Variants in TMEM108 observed in about 807,000 individuals in gnomAD.
The protein encoded by TMEM108 is cancer/testis antigen 124.
TMEM108 carries 12 observed loss-of-function variants against 35.1 expected under a neutral mutation model. The ratio of observed to expected loss-of-function variants is 0.34; its 90% confidence interval spans 0.22 to 0.55. The LOEUF (loss-of-function observed/expected upper bound fraction) is 0.55, where lower values mean the gene tolerates loss of function less well. TMEM108 is among the 20% of genes least tolerant of loss of function. The probability of loss-of-function intolerance (pLI) is 0.89; values close to 1 mark genes in which losing one functional copy is unlikely to be tolerated. For missense variants in TMEM108, 680 were observed against 753.3 expected (o/e 0.90, Z 1.14); for synonymous variants, 287 against 308.6 (o/e 0.93, Z 0.73).
intron 2 of TMEM108, among the ~76,000 whole-genome samples, chr3:133,175,053 A>T (rs112567859): frequency 0.029 from 4,488 of 152,326 alleles, 224 homozygotes; most frequent in African/African-American, 0.1. Flanking sequence ...AACCGATGCG[A>T]TCAACTGGAA....
intron 2 of TMEM108, among the ~76,000 whole-genome samples, chr3:133,136,143 C>A (rs1944561776): frequency 6.6e-6 from 1 of 152,178 alleles, no homozygotes; most frequent in Non-Finnish European, 1.5e-5. Flanking sequence ...GGTGCAGTTA[C>A]ATTTTAAGTC....
chr3:133,278,848 C>T (rs372734451), intron 3 of TMEM108, among the ~76,000 whole-genome samples: 12 of 152,184 alleles, frequency 7.9e-5, no homozygotes, highest in East Asian at 1.9e-4. Flanking sequence ...AGGGATAAAA[C>T]GAATAATGCA....
At chr3:133,335,888 G>A (rs2107734555) in intron 3 of TMEM108, among the ~76,000 whole-genome samples, 1 of 152,272 alleles carries the variant, frequency 6.6e-6, no homozygotes, top group African/African-American at 2.4e-5. Flanking sequence ...GAAAGAATCT[G>A]TTCACTTCAG....
chr3:133,302,844 C>A (rs1559897669), intron 3 of TMEM108, among the ~76,000 whole-genome samples: 1 of 152,092 alleles, frequency 6.6e-6, no homozygotes, highest in Admixed American at 6.5e-5. Context: ...TTCGGGCCAC[C>A]CCACACGTGC....
At chr3:133,262,331 A>G (rs1946636002) in intron 3 of TMEM108, among the ~76,000 whole-genome samples, 2 of 152,226 alleles carry the variant, frequency 1.3e-5, no homozygotes, top group Admixed American at 1.3e-4. Flanking sequence ...ATAGTGTCAT[A>G]TATTATTTAA....
intron 2 of TMEM108, among the ~76,000 whole-genome samples, chr3:133,214,465 G>A (rs1222052131): frequency 6.6e-6 from 1 of 151,922 alleles, no homozygotes; most frequent in Non-Finnish European, 1.5e-5. Context: ...TATTTTCCCT[G>A]AGGGTTCTCT....
chr3:133,390,292 T>C lies in TMEM108; in HGVS notation c.1563T>C (p.Ala521=). 2 of 1,614,188 alleles carry C rather than the reference T, an allele frequency of 1.2e-6. No individual in the cohort carries two copies. The highest frequency in any genetic ancestry group is 1.7e-6 in the Non-Finnish European group (2 of 1,180,016). ...CCATGGACTACTTCAACAGGCATGC[T>C]GTGGAGCTGCCCAGGGAGATCCAGT... The part of the protein sequence containing the change: ...TITMDYFNRH[A]VELPREIQSL... The change falls in exon 5 of 6, where the codon GCT becomes GCC. Residue 521 remains alanine, a synonymous_variant. Transcript: ENST00000321871.
intron 2 of TMEM108, among the ~76,000 whole-genome samples, chr3:133,169,232 T>C (rs1054478784): frequency 4.6e-5 from 7 of 152,246 alleles, no homozygotes; most frequent in Non-Finnish European, 7.3e-5. Flanking sequence ...TTCCAACAAA[T>C]GAACTTTGGG....
chr3:133,051,237 G>T (rs1368033210), intron 2 of TMEM108, among the ~76,000 whole-genome samples: 1 of 151,998 alleles, frequency 6.6e-6, no homozygotes, highest in African/African-American at 2.4e-5. Context: ...TCAGTGTTGT[G>T]TTGTTTTAAT....
At chr3:133,185,822 C>G (rs1291992609) in intron 2 of TMEM108, among the ~76,000 whole-genome samples, 2 of 142,292 alleles carry the variant, frequency 1.4e-5, no homozygotes, top group Non-Finnish European at 3.0e-5. Flanking sequence ...TGCTCTGTTG[C>G]CCAGGCATGA....
At chr3:133,342,544 G>GATATATATATATATATATATATATATA in intron 3 of TMEM108, among the ~76,000 whole-genome samples, 1 of 46,662 alleles carries the variant, frequency 2.1e-5, no homozygotes, top group Non-Finnish European at 4.5e-5. Flanking sequence ...AGAAAATGTG[G>GATATATATATATATATATATATATATA]TATATATATA....
At chr3:133,103,452 A>G (rs1473197802) in intron 2 of TMEM108, among the ~76,000 whole-genome samples, 2 of 152,092 alleles carry the variant, frequency 1.3e-5, no homozygotes, top group South Asian at 2.1e-4. Flanking sequence ...GGGTGGGAGG[A>G]GGGAGAGGAT....
intron 3 of TMEM108, among the ~76,000 whole-genome samples, chr3:133,272,599 G>A (rs999997305): frequency 5.9e-5 from 9 of 152,170 alleles, no homozygotes; most frequent in Admixed American, 1.3e-4. Flanking sequence ...TCCCCCCAAG[G>A]GGCACACATC....
At chr3:133,255,510 A>G (rs1304346597) in intron 3 of TMEM108, among the ~76,000 whole-genome samples, 1 of 152,234 alleles carries the variant, frequency 6.6e-6, no homozygotes, top group Non-Finnish European at 1.5e-5. Flanking sequence ...AAGTAAAAAA[A>G]TGAGAAAGGG....
intron 3 of TMEM108, among the ~76,000 whole-genome samples, chr3:133,345,506 C>G (rs1421500299): frequency 1.3e-5 from 2 of 151,674 alleles, no homozygotes; most frequent in Non-Finnish European, 3.0e-5. Context: ...ACCATGATTA[C>G]TAGATAACCG....
At chr3:133,350,821 T>C (rs2071972796) in intron 3 of TMEM108, among the ~76,000 whole-genome samples, 2 of 152,066 alleles carry the variant, frequency 1.3e-5, no homozygotes, top group Non-Finnish European at 2.9e-5. Context: ...AAAAATAGGG[T>C]GTAAAGGCAG....
At position 133,086,859 on chromosome 3, in the gene TMEM108, A is replaced by T. The variant is rs1943889517; in HGVS notation, c.-47+40839A>T. Among the ~76,000 whole-genome samples, 4 of 152,360 alleles carry T rather than the reference A, an allele frequency of 2.6e-5. No individual in the cohort carries two copies. In the South Asian group the frequency reaches 6.2e-4, roughly 24 times the overall value. On this transcript the variant is annotated intron_variant, in intron 2 of 5. Transcript: ENST00000321871. ...GTGCGGTTGGCCATACAACCATGAG[A>T]TAACATGAGATTCCATGTCTCACTT...
chr3:133,380,528 C>T lies in TMEM108; in HGVS notation c.817C>T (p.Pro273Ser). Reference sequence around the variant, plus strand: ...GGCACCCACCACCACCTCCCTGGGGCCTGCAAAGGACAAGCCAGGCCTTCG... The same window carrying T: ...GGCACCCACCACCACCTCCCTGGGGTCTGCAAAGGACAAGCCAGGCCTTCG... The part of the protein sequence containing the change: ...SWAPTTTSLG[P>S]AKDKPGLRRA... Residue 273 changes from proline (P) to serine (S), a missense_variant, in exon 4 of 6, where the codon CCT becomes TCT. Physicochemically the swap from Pro to Ser is moderately conservative, Grantham distance 74. Coordinates refer to ENST00000321871, the MANE Select transcript of TMEM108 (RefSeq NM_023943.4). This position sits in a 1 kb window ranked among gnomAD's most constrained non-coding sequence, Gnocchi z 5.3. 6.2e-7 allele frequency: 1 copy of T among 1,614,004 alleles called. No individual in the cohort carries two copies. Among genetic ancestry groups the T allele is most frequent in the Non-Finnish European group, 8.5e-7 (1 of 1,179,992 alleles).
chr3:133,325,901 G>A (rs957210627), intron 3 of TMEM108, among the ~76,000 whole-genome samples: 1 of 151,912 alleles, frequency 6.6e-6, no homozygotes, highest in African/African-American at 2.4e-5. Context: ...CATTTTAAAA[G>A]AGAGTCATTT....
Sources: allele counts gnomAD v4.1 joint callset (sites outside exome capture counted in the v4.1 genomes callset), GRCh38; gene constraint gnomAD v4.1.1; non-coding constraint Gnocchi (gnomAD v3.1); transcripts MANE v1.5; gene names NCBI Gene and HGNC (gene_info 2026-07-23, HGNC 2026-07-21).